UTRN: variants seen among roughly 807,000 people sequenced by gnomAD.
The protein encoded by UTRN is dystrophin-related protein 1.
UTRN carries 283 observed loss-of-function variants against 463.9 expected under a neutral mutation model. The observed-to-expected ratio is 0.61, with a 90% CI of 0.55 to 0.67. The LOEUF is 0.67. Ranked by LOEUF, UTRN falls within the 30% of genes least tolerant of loss-of-function variation. The pLI is 0.00. For synonymous variants in UTRN, 1,442 were observed against 1,431.5 expected (o/e 1.01, Z -0.17); for missense variants, 3,922 against 4,084.3 (o/e 0.96, Z 1.08).
chr6:144,841,573 C>T (rs1381815662), intron 73 of UTRN, among the ~76,000 whole-genome samples: 1 of 152,120 alleles, frequency 6.6e-6, no homozygotes, highest in African/African-American at 2.4e-5. Context: ...AGAATATATA[C>T]ATACAAGTAA....
At position 144,836,433 on chromosome 6, in the gene UTRN, ACTC is replaced by A; in HGVS notation, c.9961_9963del (p.Leu3321del). ...ATTCAGAACTTATAGCAGAAGCAAA[ACTC>A]CTCAGGCAGCACAAAGGTCGGCTGG... is the stretch of plus-strand genomic sequence containing the variant. On this transcript the variant is annotated inframe_deletion, in exon 71 of 75. Coordinates refer to ENST00000367545, the MANE Select transcript of UTRN (RefSeq NM_007124.3). 1.2e-6 allele frequency: 2 copies of A among 1,613,884 alleles called. No homozygotes were observed. The highest frequency in any genetic ancestry group is 1.7e-6 in the Non-Finnish European group (2 of 1,179,952).
chr6:144,590,998 G>A (rs752523789), intron 51 of UTRN, among the ~76,000 whole-genome samples: 9 of 152,230 alleles, frequency 5.9e-5, no homozygotes, highest in Non-Finnish European at 7.4e-5. Flanking sequence ...TGTTGTTACC[G>A]TTACCACTAT....
intron 39 of UTRN, among the ~76,000 whole-genome samples, chr6:144,519,800 A>T (rs1374762096): frequency 6.6e-6 from 1 of 152,208 alleles, no homozygotes; most frequent in Non-Finnish European, 1.5e-5. Context: ...GATCTTTATG[A>T]TACCTACTAA....
chr6:144,493,324 A>T lies in UTRN; in HGVS notation c.4461A>T (p.Glu1487Asp). The T allele has an allele frequency of 6.2e-7, 1 of 1,614,162 alleles. No individual in the cohort carries two copies. The highest frequency in any genetic ancestry group is 1.7e-5 in the Admixed American group (1 of 60,012). ...AGAAACTGTATAAAACTTTGAGTGAAGTCAAACTTGAAGTGGAAACTGTGA... is the reference window on the plus strand; with the variant it reads ...AGAAACTGTATAAAACTTTGAGTGATGTCAAACTTGAAGTGGAAACTGTGA... ...KCMKLYKTLS[E>D]VKLEVETVIK... is the part of the protein sequence containing the mutation. Residue 1487 changes from glutamate (E) to aspartate (D), a missense_variant, in exon 33 of 75, where the codon GAA becomes GAT. Around this residue, in one of 3 missense-constraint regions of UTRN, gnomAD observed 2,349 missense variants for 2,303.8 expected, o/e 1.02. Transcript: ENST00000367545.
intron 2 of UTRN, among the ~76,000 whole-genome samples, chr6:144,322,337 AC>A (rs66730603): frequency 0.087 from 13,309 of 152,148 alleles, 1,921 homozygotes; most frequent in African/African-American, 0.3. Context: ...TGTGTCCTGC[AC>A]TGGTGAGCAC....
chr6:144,636,612 G>T (rs1433542977), intron 51 of UTRN, among the ~76,000 whole-genome samples: 5 of 152,196 alleles, frequency 3.3e-5, no homozygotes, highest in African/African-American at 1.2e-4. Context: ...TAACAAAGAA[G>T]ATAGATTTTA....
rs73596402 is a variant in UTRN, at chr6:144,850,928, A to T, written c.10294-61A>T. 1.7e-3 allele frequency: 2,785 copies of T among 1,605,126 alleles called. 37 individuals are homozygous for T. The African/African-American group carries it at 0.026, about 15-fold the overall frequency. ...TTTTATTTTCTTGAAGAATTGACAGATCTCTGCTTCCTGTAATGTTTTGTG... is the reference window on the plus strand; with the variant it reads ...TTTTATTTTCTTGAAGAATTGACAGTTCTCTGCTTCCTGTAATGTTTTGTG... On this transcript the variant is annotated intron_variant, in intron 74 of 74. Transcript: ENST00000367545.
chr6:144,758,601 C>G (rs940287779), intron 58 of UTRN, among the ~76,000 whole-genome samples: 2 of 152,038 alleles, frequency 1.3e-5, no homozygotes, highest in Non-Finnish European at 2.9e-5. Context: ...CATACTGTTT[C>G]TTCTTCTTAT....
rs574581418 is a variant in UTRN, at chr6:144,292,581, C to G, written c.79+674C>G. On this transcript the variant is annotated intron_variant, in intron 2 of 74. Transcript: ENST00000367545. ...AAACGCAGATGCATTGGCTCCATTC[C>G]AGACCCATTGAATAAAAATTTCTGT... Among the ~76,000 whole-genome samples the G allele has an allele frequency of 2.2e-4, 33 of 152,254 alleles. No homozygotes were observed. In the East Asian group the frequency reaches 6.0e-3, roughly 28 times the overall value.
intron 48 of UTRN, among the ~76,000 whole-genome samples, chr6:144,553,619 A>C (rs1279842222): frequency 6.6e-6 from 1 of 152,208 alleles, no homozygotes; most frequent in African/African-American, 2.4e-5. Flanking sequence ...GTGATTAATA[A>C]AAAATTTAAG....
chr6:144,808,260 A>G (rs1354641075), intron 65 of UTRN, among the ~76,000 whole-genome samples: 1 of 145,202 alleles, frequency 6.9e-6, no homozygotes, highest in Non-Finnish European at 1.5e-5. Context: ...GATTAAGCTT[A>G]TGAATCAAGA....
intron 50 of UTRN, among the ~76,000 whole-genome samples, chr6:144,570,819 C>A (rs549304266): frequency 6.6e-6 from 1 of 152,294 alleles, no homozygotes; most frequent in South Asian, 2.1e-4. Flanking sequence ...TACCTCCCCT[C>A]GTAGCCTTGT....
At chr6:144,666,021 TCAGTAAC>T (rs1382731638) in intron 51 of UTRN, among the ~76,000 whole-genome samples, 3 of 152,202 alleles carry the variant, frequency 2.0e-5, no homozygotes, top group African/African-American at 4.8e-5. Context: ...TAACTAATTA[TCAGTAAC>T]CATTTTGTGC....
At chr6:144,661,488 A>T (rs926596790) in intron 51 of UTRN, among the ~76,000 whole-genome samples, 2 of 152,096 alleles carry the variant, frequency 1.3e-5, no homozygotes, top group Admixed American at 6.5e-5. Flanking sequence ...TCGCTTTAAT[A>T]TGTGGTTAAG....
chr6:144,451,650 T>C (rs554766132), intron 18 of UTRN, among the ~76,000 whole-genome samples, 157 bp downstream of exon 18: 1 of 152,004 alleles, frequency 6.6e-6, no homozygotes, highest in Non-Finnish European at 1.5e-5. Context: ...TTTGAATCCA[T>C]TCATGCTAGC....
intron 33 of UTRN, 128 bp downstream of exon 33, chr6:144,493,584 A>G (rs1290865418): frequency 1.6e-5 from 16 of 994,224 alleles, no homozygotes; most frequent in East Asian, 2.7e-5. Context: ...TTTGAAAATT[A>G]TGAGATTCAT....
Position 144,514,796 on chromosome 6 carries a change from G to A in UTRN, c.5220G>A (p.Val1740=). 1.2e-6 allele frequency: 2 copies of A among 1,613,418 alleles called. No individual in the cohort carries two copies. The highest frequency in any genetic ancestry group is 1.7e-6 in the Non-Finnish European group (2 of 1,179,868). The change falls in exon 37 of 75, where the codon GTG becomes GTA. Residue 1740 remains valine, a synonymous_variant. Transcript: ENST00000367545. The part of the protein sequence containing the change: ...LAELNRNFEK[V]SQHIKSAKLL... ...AGCTGAATAGGAACTTTGAAAAGGT[G>A]TCTCAACATATCAAAAGTGCCAAAG...
chr6:144,727,513 C>T (rs182484736), intron 53 of UTRN, among the ~76,000 whole-genome samples: 188 of 152,272 alleles, frequency 1.2e-3, no homozygotes, highest in Non-Finnish European at 2.2e-3. Context: ...AATCCCAGCA[C>T]TTTGGGAGGC....
Position 144,499,259 on chromosome 6 carries a change from G to A in UTRN, c.4596G>A (p.Val1532=). 1 of 1,611,164 alleles carries A rather than the reference G, an allele frequency of 6.2e-7. No homozygotes were observed. The highest frequency in any genetic ancestry group is 8.5e-7 in the Non-Finnish European group (1 of 1,177,848). The part of the protein sequence containing the change: ...KVLYNDLGAQ[V]TEGKQDLERA... ...CTCCCTGCCTCTCTCCGTCTCAGGT[G>A]ACAGAAGGAAAACAGGATCTGGAAA... The change falls in exon 34 of 75, where the codon GTG becomes GTA. Residue 1532 remains valine, a splice_region_variant and synonymous_variant. Coordinates refer to ENST00000367545, the MANE Select transcript of UTRN (RefSeq NM_007124.3).
Sources: gnomAD v4.1 joint callset for allele counts (sites outside exome capture counted in the v4.1 genomes callset) on GRCh38, gnomAD v4.1.1 for gene constraint, gnomAD v4.1.1 regional missense constraint, MANE v1.5 for transcripts, NCBI Gene and HGNC (gene_info 2026-07-23, HGNC 2026-07-21) for gene names.